The following CNTNAP3B variants were observed in gnomAD, a reference collection of about 807,000 sequenced individuals.
CNTNAP3B encodes contactin-associated protein-like 3B.
CNTNAP3B carries 25 observed loss-of-function variants against 108.9 expected under a neutral mutation model. That is an observed-to-expected ratio of 0.23 (90% CI 0.17 to 0.32). The LOEUF is 0.32. CNTNAP3B is among the 10% of genes least tolerant of loss of function. The pLI, the probability that CNTNAP3B is intolerant of heterozygous loss-of-function variation, is 1.00. For synonymous variants in CNTNAP3B, 103 were observed against 473.4 expected (o/e 0.22, Z 10.16); for missense variants, 252 against 1,210.4 (o/e 0.21, Z 11.75).
Position 41,996,368 on chromosome 9 carries a change from T to C in CNTNAP3B, c.928-20A>G. On this transcript the variant is annotated intron_variant, in intron 6 of 23. Transcript: ENST00000377561. ...GCTGATCTTAGAAAGAAAAATGACA[T>C]AAATAACATTGTTTAGTGATTTTCT... 1 of 1,485,188 alleles carries C rather than the reference T, an allele frequency of 6.7e-7. No individual in the cohort carries two copies. Among genetic ancestry groups the C allele is most frequent in the Non-Finnish European group, 9.1e-7 (1 of 1,102,660 alleles). The allele number at this position is 1,485,188 out of a possible 1,614,324, so 92.0% of individuals were successfully genotyped here.
rs546938602 is a variant in CNTNAP3B at position 42,097,152 on chromosome 9, T to C, written c.196+7477A>G. Among the ~76,000 whole-genome samples the C allele has an allele frequency of 9.3e-5, 13 of 140,330 alleles. No individual in the cohort carries two copies. In the East Asian group the frequency reaches 2.0e-3, roughly 21 times the overall value. The allele number at this position is 140,330 out of a possible 152,430, so 92.1% of individuals were successfully genotyped here. On this transcript the variant is annotated intron_variant, in intron 2 of 23. Coordinates refer to ENST00000377561, the MANE Select transcript of CNTNAP3B (RefSeq NM_001201380.3). The stretch of plus-strand genomic sequence containing the variant: ...ACTCATAAAATTCACCAAGTTCACA[T>C]TGGAAAACATTATTCTATGGTTATT...
intron 1 of CNTNAP3B, among the ~76,000 whole-genome samples, chr9:42,120,072 C>G (rs1326962528): frequency 6.6e-6 from 1 of 150,592 alleles, no homozygotes; most frequent in African/African-American, 2.5e-5. Context: ...TTGCAACCTA[C>G]TCATCTGACA....
At chr9:42,061,695 TC>T (rs1827182892) in intron 3 of CNTNAP3B, among the ~76,000 whole-genome samples, 2 of 101,270 alleles carry the variant, frequency 2.0e-5, no homozygotes, top group Admixed American at 2.0e-4. Context: ...GATTTCAATC[TC>T]CTTAAATTTA....
At chr9:41,946,554 C>A in intron 13 of CNTNAP3B, among the ~76,000 whole-genome samples, 1 of 48,700 alleles carries the variant, frequency 2.1e-5, no homozygotes, top group African/African-American at 7.5e-5. Context: ...TTTAACTAAG[C>A]CAGTAATTAA....
At chr9:42,124,785 G>T (rs1828532681) in intron 1 of CNTNAP3B, among the ~76,000 whole-genome samples, 1 of 129,410 alleles carries the variant, frequency 7.7e-6, no homozygotes, top group South Asian at 2.6e-4. Flanking sequence ...CAATCCCAGT[G>T]CCAATTACAT....
In CNTNAP3B at chr9:42,063,299, G is replaced by A. The variant is rs1424142378; in HGVS notation, c.390+13570C>T. ...TTTTCTCTTTTCCTTCTGTAGAAGA[G>A]CTTTGCTGTGTATTCTTGGTTGACA... is the stretch of plus-strand genomic sequence containing the variant. On this transcript the variant is annotated intron_variant, in intron 3 of 23. Transcript: ENST00000377561. Among the ~76,000 whole-genome samples the A allele has an allele frequency of 3.9e-5, 5 of 129,534 alleles. 1 individual carries two copies. In the East Asian group the frequency reaches 1.3e-3, roughly 33 times the overall value. The allele number at this position is 129,534 out of a possible 152,430, so 85.0% of individuals were successfully genotyped here.
At chr9:41,967,230 G>C (rs1423067054) in intron 10 of CNTNAP3B, among the ~76,000 whole-genome samples, 1 of 152,232 alleles carries the variant, frequency 6.6e-6, no homozygotes, top group Non-Finnish European at 1.5e-5. Flanking sequence ...AATTCCCACT[G>C]TGTCATGGGA....
rs964364667 is a variant in CNTNAP3B at position 42,053,525 on chromosome 9, T to A, written c.390+23344A>T. On this transcript the variant is annotated intron_variant, in intron 3 of 23. Coordinates refer to ENST00000377561, the MANE Select transcript of CNTNAP3B (RefSeq NM_001201380.3). ...AGAAAGGCATCTGGATATGGAGCCA[T>A]CTCAGAAGTCATTCACATGACAGAA... Among the ~76,000 whole-genome samples the A allele has an allele frequency of 2.8e-4, 38 of 135,596 alleles. 1 individual carries two copies. Among genetic ancestry groups the A allele is most frequent in the African/African-American group, 1.1e-3 (37 of 33,796 alleles). The allele number at this position is 135,596 out of a possible 152,430, so 89.0% of individuals were successfully genotyped here.
chr9:41,954,456 A>G (rs1325020041), intron 12 of CNTNAP3B, among the ~76,000 whole-genome samples: 5 of 152,290 alleles, frequency 3.3e-5, no homozygotes, highest in Admixed American at 6.5e-5. Flanking sequence ...TGCTACTGAA[A>G]TATCTCTTTA....
In CNTNAP3B at chr9:42,116,184, G is replaced by A. The variant is rs1232596051; in HGVS notation, c.86-11445C>T. ...AAGTTTAGAGAAAAAAGAGTAAAAA[G>A]AAATGAACAAAGCCTCCAAGAAATA... On this transcript the variant is annotated intron_variant, in intron 1 of 23. Coordinates refer to ENST00000377561, the MANE Select transcript of CNTNAP3B (RefSeq NM_001201380.3). 2.2e-5 allele frequency among the ~76,000 whole-genome samples: 3 copies of A among 138,370 alleles called. 1 individual carries two copies. In the East Asian group the frequency reaches 6.5e-4, roughly 30 times the overall value. 90.8% of individuals were successfully genotyped at this position (138,370 alleles called of 152,430 possible).
At chr9:41,926,017 C>G (rs1273822774) in intron 15 of CNTNAP3B, among the ~76,000 whole-genome samples, 2 of 98,478 alleles carry the variant, frequency 2.0e-5, no homozygotes, top group African/African-American at 5.3e-5. Context: ...ATTTGTATCT[C>G]TCTCTCTCTC....
intron 1 of CNTNAP3B, among the ~76,000 whole-genome samples, chr9:42,115,753 G>C (rs1564199172): frequency 1.7e-5 from 2 of 120,102 alleles, no homozygotes; most frequent in Non-Finnish European, 1.7e-5. Context: ...AAACCACAAA[G>C]ATGGGGAGAA....
intron 3 of CNTNAP3B, among the ~76,000 whole-genome samples, chr9:42,037,326 C>G (rs1466350648): frequency 9.2e-6 from 1 of 109,148 alleles, no homozygotes. Context: ...TAATAACAAA[C>G]TTCTCTGAGC....
intron 14 of CNTNAP3B, among the ~76,000 whole-genome samples, chr9:41,934,122 T>TATATATACAC (rs1214326050): frequency 1.4e-5 from 1 of 73,474 alleles, no homozygotes; most frequent in Admixed American, 1.4e-4. Context: ...TATATATATA[T>TATATATACAC]ACACACACAT....
chr9:42,078,532 T>C (rs1314017334), intron 2 of CNTNAP3B, among the ~76,000 whole-genome samples: 4 of 139,746 alleles, frequency 2.9e-5, no homozygotes, highest in Admixed American at 1.4e-4. Flanking sequence ...ATGTTCTGAA[T>C]TGAAGAGTCA....
intron 18 of CNTNAP3B, among the ~76,000 whole-genome samples, chr9:41,913,746 G>A (rs1199347116): frequency 5.4e-5 from 7 of 128,916 alleles, no homozygotes; most frequent in Admixed American, 2.3e-4. Context: ...TTGATATCTA[G>A]TAAACATGAA....
intron 12 of CNTNAP3B, among the ~76,000 whole-genome samples, chr9:41,954,532 C>A (rs1402284467): frequency 2.0e-5 from 3 of 152,288 alleles, no homozygotes; most frequent in Non-Finnish European, 2.9e-5. Context: ...AGAAAAAAAT[C>A]TGCAAATTTA....
intron 3 of CNTNAP3B, among the ~76,000 whole-genome samples, chr9:42,071,231 C>T (rs1305449419): frequency 4.0e-4 from 59 of 146,162 alleles, no homozygotes; most frequent in Non-Finnish European, 7.5e-5. Flanking sequence ...GAGCTGTGTA[C>T]GTGCGTGTCT....
chr9:41,946,081 A>G (rs1012883908), intron 13 of CNTNAP3B, among the ~76,000 whole-genome samples: 48 of 149,946 alleles, frequency 3.2e-4, no homozygotes, highest in Admixed American at 1.4e-3. Context: ...AAGAGTCAAA[A>G]TATATTAGGG....
Sources: gnomAD v4.1 joint callset for allele counts (sites outside exome capture counted in the v4.1 genomes callset) on GRCh38, gnomAD v4.1.1 for gene constraint, MANE v1.5 for transcripts, NCBI Gene and HGNC (gene_info 2026-07-23, HGNC 2026-07-21) for gene names.